The following KAT6B variants were observed in gnomAD, a reference collection of about 807,000 sequenced individuals.
KAT6B encodes the protein histone acetyltransferase KAT6B.
In KAT6B, 10 loss-of-function variants were observed where a neutral mutation model predicts 187.5. The ratio of observed to expected loss-of-function variants is 0.05; its 90% CI spans 0.03 to 0.09. KAT6B has a LOEUF of 0.09. Ranked by LOEUF, KAT6B falls within the 10% of genes least tolerant of loss-of-function variation. The probability of loss-of-function intolerance (pLI) is 1.00; values close to 1 mark genes in which losing one functional copy is unlikely to be tolerated. For missense variants in KAT6B, 1,952 were observed against 2,558.9 expected, an observed-to-expected ratio of 0.76 and a Z score of 5.12; for synonymous variants, 861 against 926.8, an observed-to-expected ratio of 0.93 and a Z score of 1.29.
intron 13 of KAT6B, among the ~76,000 whole-genome samples, chr10:74,992,043 C>A (rs1843151813): frequency 6.6e-6 from 1 of 152,170 alleles, no homozygotes; most frequent in South Asian, 2.1e-4. Flanking sequence ...ACTAGGGTTA[C>A]AGGTTTTCTA....
At chr10:75,003,946 A>G (rs144732153) in intron 13 of KAT6B, among the ~76,000 whole-genome samples, 11 of 152,324 alleles carry the variant, frequency 7.2e-5, no homozygotes, top group African/African-American at 2.4e-4. Flanking sequence ...CAATGAAAAC[A>G]TTGTAAATAT....
intron 3 of KAT6B, among the ~76,000 whole-genome samples, chr10:74,867,527 A>G (rs959622375): frequency 4.6e-5 from 7 of 152,212 alleles, no homozygotes; most frequent in African/African-American, 1.7e-4. Flanking sequence ...TTGTTGGATC[A>G]TGATATCTTG....
chr10:74,994,246 A>T (rs932500411), intron 13 of KAT6B, among the ~76,000 whole-genome samples: 2 of 152,144 alleles, frequency 1.3e-5, no homozygotes, highest in Non-Finnish European at 2.9e-5. Flanking sequence ...ATAGGTTATA[A>T]CCTGTCATTA....
chr10:75,000,485 T>G (rs528543696), intron 13 of KAT6B, among the ~76,000 whole-genome samples: 2 of 152,116 alleles, frequency 1.3e-5, no homozygotes, highest in African/African-American at 4.8e-5. Context: ...TCAGATTAAC[T>G]TTTTCTTTTT....
chr10:75,014,311 TGAAAAA>T (rs1349970139), intron 13 of KAT6B, among the ~76,000 whole-genome samples: 1 of 151,850 alleles, frequency 6.6e-6, no homozygotes, highest in Non-Finnish European at 1.5e-5. Flanking sequence ...CCTGTCTTCT[TGAAAAA>T]GAAAAAGAAA....
chr10:74,833,551 C>A (rs1404010356), intron 1 of KAT6B, among the ~76,000 whole-genome samples: 1 of 152,132 alleles, frequency 6.6e-6, no homozygotes, highest in Admixed American at 6.5e-5. Context: ...GGACCTGTCT[C>A]TACTAATTTA....
intron 17 of KAT6B, chr10:75,025,495 G>T: frequency 2.3e-6 from 1 of 440,398 alleles, no homozygotes; most frequent in South Asian, 2.9e-5. Flanking sequence ...TTACTTACCA[G>T]AAATTGGCTT....
At chr10:74,993,768 A>C (rs908497830) in intron 13 of KAT6B, among the ~76,000 whole-genome samples, 1 of 151,958 alleles carries the variant, frequency 6.6e-6, no homozygotes, top group African/African-American at 2.4e-5. Flanking sequence ...CAGGCCATTT[A>C]TTTTGTATGG....
At chr10:74,834,719 T>G (rs763923980) in intron 1 of KAT6B, among the ~76,000 whole-genome samples, 3 of 151,576 alleles carry the variant, frequency 2.0e-5, no homozygotes, top group Non-Finnish European at 4.4e-5. Flanking sequence ...AGGGTCTTGT[T>G]GTGTTGCCTA....
chr10:74,890,929 TTTG>T (rs1299467312), intron 3 of KAT6B, among the ~76,000 whole-genome samples: 1 of 152,246 alleles, frequency 6.6e-6, no homozygotes, highest in Non-Finnish European at 1.5e-5. Context: ...TGTTACAAAC[TTTG>T]TTTTTACTCT....
chr10:74,929,695 C>A (rs911688626), intron 3 of KAT6B, among the ~76,000 whole-genome samples: 4 of 152,068 alleles, frequency 2.6e-5, no homozygotes, highest in Non-Finnish European at 4.4e-5. Flanking sequence ...CATATATAAG[C>A]AGTGTGTATT....
At chr10:74,990,307 T>C (rs1347890238) in intron 13 of KAT6B, among the ~76,000 whole-genome samples, 1 of 151,488 alleles carries the variant, frequency 6.6e-6, no homozygotes, top group African/African-American at 2.4e-5. Flanking sequence ...GAGGAAAATT[T>C]AGGACTTTGC....
chr10:74,996,154 T>C (rs1267368017), intron 13 of KAT6B, among the ~76,000 whole-genome samples: 1 of 152,252 alleles, frequency 6.6e-6, no homozygotes, highest in African/African-American at 2.4e-5. Context: ...CTTCATTTTT[T>C]ACCTCTTTAC....
chr10:74,935,397 T>C (rs1212753611), intron 3 of KAT6B, among the ~76,000 whole-genome samples: 1 of 152,198 alleles, frequency 6.6e-6, no homozygotes, highest in African/African-American at 2.4e-5. Flanking sequence ...TTCATTTTTT[T>C]TTTGAGACAG....
intron 3 of KAT6B, among the ~76,000 whole-genome samples, chr10:74,911,579 T>C (rs918919077): frequency 6.6e-6 from 1 of 152,154 alleles, no homozygotes; most frequent in Non-Finnish European, 1.5e-5. Context: ...TTAGTCTACT[T>C]TCTGTTTTTA....
chr10:74,959,862 TAAAG>T (rs1189780560), intron 3 of KAT6B, 104 bp from the exon 4 acceptor site: 20 of 766,386 alleles, frequency 2.6e-5, no homozygotes, highest in Middle Eastern at 3.1e-4. Flanking sequence ...TTTTCTTTGT[TAAAG>T]AAAGAAGAAG....
intron 3 of KAT6B, among the ~76,000 whole-genome samples, chr10:74,891,330 GAC>G (rs548131953): frequency 1.3e-5 from 2 of 152,354 alleles, no homozygotes; most frequent in South Asian, 4.1e-4. Context: ...TTGCTGAGAA[GAC>G]CTTAAGAATC....
At chr10:74,983,943 C>G (rs566842688) in intron 11 of KAT6B, 4 of 152,186 alleles carry the variant, frequency 2.6e-5, no homozygotes, top group Non-Finnish European at 5.9e-5. Context: ...CCTTCCCTTT[C>G]TTTATTCCTC....
At chr10:74,965,142 A>G (rs1388413465) in intron 4 of KAT6B, among the ~76,000 whole-genome samples, 1 of 152,190 alleles carries the variant, frequency 6.6e-6, no homozygotes, top group Admixed American at 6.5e-5. Context: ...GTTTAACCCC[A>G]TCTTACATCA....
Sources: allele counts gnomAD v4.1 joint callset (sites outside exome capture counted in the v4.1 genomes callset), GRCh38; gene constraint gnomAD v4.1.1; transcripts MANE v1.5; gene names NCBI Gene and HGNC (gene_info 2026-07-23, HGNC 2026-07-21).